NAA16: variants seen among roughly 807,000 people sequenced by gnomAD.
NAA16 encodes NARG1-like protein.
A neutral mutation model predicts 110.3 loss-of-function variants in NAA16; 97 were observed. The observed-to-expected ratio is 0.88, with a 90% CI of 0.75 to 1.04. The LOEUF (loss-of-function observed/expected upper bound fraction) is 1.04, where lower values mean the gene tolerates loss of function less well. Among genes scored for constraint, NAA16 ranks in the 50% least tolerant of loss-of-function variants. The pLI, the probability that NAA16 is intolerant of heterozygous loss-of-function variation, is 0.00. For synonymous variants in NAA16, 372 were observed against 330.6 expected (o/e 1.13, Z -1.36); for missense variants, 1,017 against 1,005.1 (o/e 1.01, Z -0.16).
At chr13:41,372,644 GTTGTTGAAC>G in intron 16 of NAA16, 79 bp from the exon 17 acceptor site, 1 of 1,362,162 alleles carries the variant, frequency 7.3e-7, no homozygotes, top group Non-Finnish European at 9.5e-7. Context: ...GTAGCATTTT[GTTGTTGAAC>G]TTAAGTGAGA....
chr13:41,331,483 T>C (rs1389744740), intron 8 of NAA16, 114 bp downstream of exon 8: 6 of 663,986 alleles, frequency 9.0e-6, no homozygotes, highest in Admixed American at 2.8e-5. Context: ...AGTCTTGGAG[T>C]TGGGAGTGAA....
chr13:41,322,392 G>A (rs949206227), intron 4 of NAA16, among the ~76,000 whole-genome samples: 4 of 152,154 alleles, frequency 2.6e-5, no homozygotes, highest in African/African-American at 9.7e-5. Context: ...AACTTCTAGG[G>A]TGTGGCTGTG....
Position 41,369,182 on chromosome 13 carries a change from G to A in NAA16, c.1846G>A (p.Glu616Lys). Residue 616 changes from glutamate (E) to lysine (K), a missense_variant, in exon 15 of 20, where the codon GAA (glutamate) becomes AAA (lysine). By Grantham distance (56) the Glu-to-Lys change is moderately conservative. Coordinates refer to ENST00000379406, the MANE Select transcript of NAA16 (RefSeq NM_024561.5). Reference protein sequence around the residue: ...AKLEEERKHAERERQQKNQKK... With the variant: ...AKLEEERKHAKRERQQKNQKK... ...ACTAGAAGAAGAAAGAAAGCATGCA[G>A]AAAGAGAACGTCAACAGAAAAATCA... 1 of 1,596,920 alleles carries A rather than the reference G, an allele frequency of 6.3e-7. No individual in the cohort carries two copies.
chr13:41,357,725 G>A (rs2043022624), intron 10 of NAA16, among the ~76,000 whole-genome samples: 1 of 152,144 alleles, frequency 6.6e-6, no homozygotes, highest in Admixed American at 6.5e-5. Context: ...TAGAACTCAG[G>A]TAAGTGTATA....
intron 9 of NAA16, among the ~76,000 whole-genome samples, chr13:41,347,007 A>G (rs1253385271): frequency 1.3e-5 from 2 of 152,002 alleles, no homozygotes; most frequent in Non-Finnish European, 2.9e-5. Context: ...TCACGAGGTC[A>G]AGAGATCAAG....
At chr13:41,312,877 C>A (rs1351524039) in intron 1 of NAA16, among the ~76,000 whole-genome samples, 2 of 152,102 alleles carry the variant, frequency 1.3e-5, no homozygotes, top group Non-Finnish European at 1.5e-5. Flanking sequence ...AATTAAAGCA[C>A]GTGGCAGGTT....
chr13:41,312,456 A>G (rs529688761), intron 1 of NAA16, among the ~76,000 whole-genome samples: 4 of 152,174 alleles, frequency 2.6e-5, no homozygotes, highest in Non-Finnish European at 5.9e-5. Context: ...CAAGGAGAAG[A>G]GGCAGCATTC....
At chr13:41,362,247 ACTTCT>A (rs1232305186) in intron 13 of NAA16, 88 bp downstream of exon 13, 1 of 1,393,472 alleles carries the variant, frequency 7.2e-7, no homozygotes, top group East Asian at 2.5e-5. Context: ...GCCTCTTCTA[ACTTCT>A]CTGGGAGCTT....
In NAA16 at chr13:41,314,748, T is replaced by C. The variant is rs202186300; in HGVS notation, c.55-2098T>C. The stretch of plus-strand genomic sequence containing the variant: ...GCTCATGCCTGTAATCCCAGCACTT[T>C]GGGAGGCTGAGGTGGGAGCTAGGAT... On this transcript the variant is annotated intron_variant, in intron 1 of 19. Transcript: ENST00000379406. Among the ~76,000 whole-genome samples, 17 of 152,246 alleles carry C rather than the reference T, an allele frequency of 1.1e-4. No homozygotes were observed. The East Asian group carries it at 2.7e-3, about 24-fold the overall frequency.
At chr13:41,316,793 G>T in intron 1 of NAA16, 53 bp from the exon 2 acceptor site, 1 of 1,167,902 alleles carries the variant, frequency 8.6e-7, no homozygotes. Context: ...GTGAGAAGTT[G>T]CTCCATTATG....
intron 3 of NAA16, among the ~76,000 whole-genome samples, chr13:41,319,505 G>T (rs1410430857): frequency 6.6e-6 from 1 of 151,982 alleles, no homozygotes; most frequent in Admixed American, 6.6e-5. Context: ...ATCCCAGTGT[G>T]TAAAAAAAAA....
At chr13:41,322,492 C>A (rs1224655274) in intron 4 of NAA16, among the ~76,000 whole-genome samples, 1 of 152,036 alleles carries the variant, frequency 6.6e-6, no homozygotes, top group African/African-American at 2.4e-5. Context: ...ATGGGTGATA[C>A]ACGTTAGTGT....
intron 15 of NAA16, among the ~76,000 whole-genome samples, chr13:41,370,191 T>G (rs948358179): frequency 1.3e-5 from 2 of 152,206 alleles, no homozygotes; most frequent in Non-Finnish European, 1.5e-5. Context: ...AAAGGATGGT[T>G]TGATAATTTT....
intron 15 of NAA16, 53 bp from the exon 16 acceptor site, chr13:41,372,150 A>G (rs1039678386): frequency 2.2e-6 from 3 of 1,362,222 alleles, no homozygotes; most frequent in Non-Finnish European, 3.0e-6. Context: ...TTTAGGGGAA[A>G]TTTGACTTGT....
At chr13:41,334,951 A>C (rs779481264) in intron 8 of NAA16, among the ~76,000 whole-genome samples, 1 of 152,182 alleles carries the variant, frequency 6.6e-6, no homozygotes, top group Non-Finnish European at 1.5e-5. Flanking sequence ...ACATGGATTG[A>C]TGGATTGCTG....
intron 12 of NAA16, among the ~76,000 whole-genome samples, chr13:41,359,245 G>A (rs986240273): frequency 1.3e-5 from 2 of 152,154 alleles, no homozygotes; most frequent in African/African-American, 4.8e-5. Flanking sequence ...GCACTTACGT[G>A]TAAAATTTGA....
At chr13:41,358,220 C>T (rs2043036267) in intron 10 of NAA16, 84 bp from the exon 11 acceptor site, 2 of 1,143,200 alleles carry the variant, frequency 1.7e-6, no homozygotes, top group South Asian at 3.0e-5. Context: ...TTGCAATAGT[C>T]ATTTCATTAT....
chr13:41,373,882 TA>T (rs1472327401), intron 18 of NAA16, 102 bp downstream of exon 18: 1 of 1,424,562 alleles, frequency 7.0e-7, no homozygotes, highest in East Asian at 2.6e-5. Flanking sequence ...GTACTGTGTG[TA>T]AGTATGGGGA....
chr13:41,326,488 T>A (rs1056797566), intron 6 of NAA16, among the ~76,000 whole-genome samples: 2 of 152,260 alleles, frequency 1.3e-5, no homozygotes, highest in Non-Finnish European at 2.9e-5. Context: ...ATATAGATTT[T>A]AAAACTCTTC....
Sources: allele counts gnomAD v4.1 joint callset (sites outside exome capture counted in the v4.1 genomes callset), GRCh38; gene constraint gnomAD v4.1.1; transcripts MANE v1.5; gene names NCBI Gene and HGNC (gene_info 2026-07-23, HGNC 2026-07-21).